HAMP: variants seen among roughly 807,000 people sequenced by gnomAD.
HAMP encodes the protein hepcidin.
HAMP carries 5 observed loss-of-function variants against 7.8 expected under a neutral mutation model. The ratio of observed to expected loss-of-function variants is 0.64; its 90% CI spans 0.33 to 1.34. HAMP has a LOEUF of 1.34. Among genes scored for constraint, HAMP ranks in the 40% most tolerant of loss-of-function variants. The probability of loss-of-function intolerance (pLI) is 0.05; values close to 1 mark genes in which losing one functional copy is unlikely to be tolerated. For missense variants in HAMP, 105 were observed against 104.1 expected (o/e 1.01, Z -0.04); for synonymous variants, 52 against 38.6 (o/e 1.35, Z -1.28).
chr19:35,283,819 G>A (rs1023765487), intron 1 of HAMP: 1 of 150,072 alleles, frequency 6.7e-6, no homozygotes, highest in Non-Finnish European at 1.5e-5. Flanking sequence ...TTCTGAGATA[G>A]GGTCTCGCTC....
chr19:35,284,949 G>A lies in HAMP; in HGVS notation c.162G>A (p.Gln54=). 1 of 1,613,332 alleles carries A rather than the reference G, an allele frequency of 6.2e-7. No homozygotes were observed. Among genetic ancestry groups the A allele is most frequent in the Non-Finnish European group, 8.5e-7 (1 of 1,179,400 alleles). ...GARASWMPMF[Q]RRRRRDTHFP... is the part of the protein sequence containing the mutation. ...CTTCCTTCCCACAGCCCATGTTCCA[G>A]AGGCGAAGGAGGCGAGACACCCACT... The change falls in exon 3 of 3, where the codon CAG becomes CAA. Residue 54 remains glutamine, a synonymous_variant. Coordinates refer to ENST00000222304, the MANE Select transcript of HAMP (RefSeq NM_021175.4).
rs55863037 is a variant in HAMP, at chr19:35,284,492, G to A, written c.91-297G>A. 80,174 of 536,028 alleles carry A rather than the reference G, an allele frequency of 0.15. 6,944 individuals carry two copies. Among genetic ancestry groups the A allele is most frequent in the East Asian group, 0.26 (8,164 of 30,958 alleles). The allele number at this position is 536,028 out of a possible 1,614,324, so 33.2% of individuals were successfully genotyped here. On this transcript the variant is annotated intron_variant, in intron 1 of 2. Coordinates refer to ENST00000222304, the MANE Select transcript of HAMP (RefSeq NM_021175.4). The stretch of plus-strand genomic sequence containing the variant: ...TCTGCTGTGTGGCAAATGGATTGAG[G>A]GGCAAGAATGCAGGGAGGTGTGTTA...
At chr19:35,284,645 C>A in intron 1 of HAMP, 144 bp from the exon 2 acceptor site, 2 of 662,488 alleles carry the variant, frequency 3.0e-6, no homozygotes, top group South Asian at 1.7e-5. Flanking sequence ...GGAAGGTGAG[C>A]AGAAGCAAGA....
chr19:35,282,568 A>C lies in HAMP; in HGVS notation c.-10A>C. 6.2e-7 allele frequency: 1 copy of C among 1,612,032 alleles called. No individual in the cohort carries two copies. The highest frequency in any genetic ancestry group is 8.5e-7 in the Non-Finnish European group (1 of 1,178,060). On this transcript the variant is annotated 5_prime_UTR_variant, in exon 1 of 3. Coordinates refer to ENST00000222304, the MANE Select transcript of HAMP (RefSeq NM_021175.4). ...AGACCCAGCAGTGGGACAGCCAGAC[A>C]GACGGCACGATGGCACTGAGCTCCC...
In HAMP at chr19:35,284,770, C is replaced by T. The variant is rs2066318468; in HGVS notation, c.91-19C>T. 2 of 1,607,370 alleles carry T rather than the reference C, an allele frequency of 1.2e-6. No homozygotes were observed. Among genetic ancestry groups the T allele is most frequent in the Non-Finnish European group, 1.7e-6 (2 of 1,174,050 alleles). ...ACTGGGCCCCCTGCCATCCTCTGCA[C>T]CCCCTTCTGCTTTCACAGACGGGAC... On this transcript the variant is annotated intron_variant, in intron 1 of 2. Transcript: ENST00000222304.
rs1362280095 is a variant in HAMP at position 35,284,928 on chromosome 19, C to T, written c.151-10C>T. 9.3e-6 allele frequency: 15 copies of T among 1,611,564 alleles called. No individual in the cohort carries two copies. Among genetic ancestry groups the T allele is most frequent in the African/African-American group, 1.3e-5 (1 of 74,832 alleles). On this transcript the variant is annotated splice_polypyrimidine_tract_variant and intron_variant, in intron 2 of 2. Coordinates refer to ENST00000222304, the MANE Select transcript of HAMP (RefSeq NM_021175.4). ...CCGGTTCCCTGCTCACATTCCCTTC[C>T]TTCCCACAGCCCATGTTCCAGAGGC...
intron 1 of HAMP, chr19:35,283,975 A>G (rs940999893): frequency 6.6e-6 from 1 of 151,846 alleles, no homozygotes; most frequent in Non-Finnish European, 1.5e-5. Context: ...TTGTTTTTTT[A>G]GTAGAGACAG....
intron 2 of HAMP, 24 bp downstream of exon 2, chr19:35,284,872 C>G (rs370717576): frequency 9.9e-6 from 16 of 1,609,772 alleles, no homozygotes; most frequent in Non-Finnish European, 1.4e-5. Context: ...TGATGCCTTT[C>G]CTAGCCCCCT....
chr19:35,284,386 A>C lies in HAMP; in HGVS notation c.91-403A>C, dbSNP rs565532942. On this transcript the variant is annotated intron_variant, in intron 1 of 2. Transcript: ENST00000222304. ...CTTGAGCACAGGAGGTCAAGGCTGC[A>C]GGGAGCTATGACTGTGCCACTGCAC... 9 of 262,938 alleles carry C rather than the reference A, an allele frequency of 3.4e-5. No individual in the cohort carries two copies. The East Asian group carries it at 8.2e-4, about 24-fold the overall frequency. 16.3% of individuals were successfully genotyped at this position (262,938 alleles called of 1,614,324 possible).
At chr19:35,282,763 AG>A (rs1448186682) in intron 1 of HAMP, 96 bp downstream of exon 1, 162 of 958,880 alleles carry the variant, frequency 1.7e-4, no homozygotes, top group African/African-American at 1.5e-3. Context: ...CACTGAGCAG[AG>A]CTCAGGACGT....
At position 35,282,773 on chromosome 19, in the gene HAMP, G is replaced by A. The variant is rs74887182; in HGVS notation, c.90+106G>A. The A allele has an allele frequency of 3.4e-3, 2,979 of 881,930 alleles. 17 individuals are homozygous for A. Among genetic ancestry groups the A allele is most frequent in the South Asian group, 7.0e-3 (533 of 75,956 alleles). 54.6% of individuals were successfully genotyped at this position (881,930 alleles called of 1,614,324 possible). A position where few individuals can be genotyped will look rare whatever the true frequency, so the allele number is the denominator to read the frequency against. On this transcript the variant is annotated intron_variant, in intron 1 of 2. Transcript: ENST00000222304. Reference sequence around the variant, plus strand: ...CCGAGCACTGAGCAGAGCTCAGGACGTCTCAGGAGTACTGGCAGCTGAACA... The same window carrying A: ...CCGAGCACTGAGCAGAGCTCAGGACATCTCAGGAGTACTGGCAGCTGAACA...
rs542554786 is a variant in HAMP, at chr19:35,282,750, G to A, written c.90+83G>A. 3.5e-5 allele frequency: 37 copies of A among 1,060,356 alleles called. No homozygotes were observed. In the East Asian group the frequency reaches 6.4e-4, roughly 18 times the overall value. 65.7% of individuals were successfully genotyped at this position (1,060,356 alleles called of 1,614,324 possible). ...TCAGCCTAGGGCACTGGAGACACCC[G>A]AGCACTGAGCAGAGCTCAGGACGTC... On this transcript the variant is annotated intron_variant, in intron 1 of 2. Coordinates refer to ENST00000222304, the MANE Select transcript of HAMP (RefSeq NM_021175.4).
rs767431880 is a variant in HAMP, at chr19:35,282,557, G to T, written c.-21G>T. ...GAGCAAGCTCAAGACCCAGCAGTGG[G>T]ACAGCCAGACAGACGGCACGATGGC... On this transcript the variant is annotated 5_prime_UTR_variant, in exon 1 of 3. Coordinates refer to ENST00000222304, the MANE Select transcript of HAMP (RefSeq NM_021175.4). The T allele has an allele frequency of 1.2e-6, 2 of 1,604,242 alleles. No homozygotes were observed. Among genetic ancestry groups the T allele is most frequent in the Non-Finnish European group, 8.5e-7 (1 of 1,170,972 alleles).
intron 1 of HAMP, chr19:35,284,031 G>T (rs2066315206): frequency 6.6e-6 from 1 of 152,278 alleles, no homozygotes; most frequent in Admixed American, 6.5e-5. Flanking sequence ...CTGACCTCAG[G>T]TGATTCTCCC....
rs758054130 is a variant in HAMP at position 35,284,909 on chromosome 19, C to T, written c.151-29C>T. 1.1e-5 allele frequency: 18 copies of T among 1,606,422 alleles called. No homozygotes were observed. The East Asian group carries it at 1.8e-4, about 16-fold the overall frequency. On this transcript the variant is annotated intron_variant, in intron 2 of 2. Transcript: ENST00000222304. ...CTCCCTCCCCATGCTAAGGCCGGTT[C>T]CCTGCTCACATTCCCTTCCTTCCCA...
Position 35,284,970 on chromosome 19 carries a change from C to T in HAMP, c.183C>T (p.Thr61=), listed in dbSNP as rs1377876780. The T allele has an allele frequency of 1.2e-6, 2 of 1,613,996 alleles. No homozygotes were observed. Among genetic ancestry groups the T allele is most frequent in the East Asian group, 4.5e-5 (2 of 44,888 alleles). Residue 61 remains threonine, a synonymous_variant, in exon 3 of 3, where the codon ACC becomes ACT. Coordinates refer to ENST00000222304, the MANE Select transcript of HAMP (RefSeq NM_021175.4). ...TCCAGAGGCGAAGGAGGCGAGACACCCACTTCCCCATCTGCATTTTCTGCT... is the reference window on the plus strand; with the variant it reads ...TCCAGAGGCGAAGGAGGCGAGACACTCACTTCCCCATCTGCATTTTCTGCT... The part of the protein sequence containing the change: ...PMFQRRRRRD[T]HFPICIFCCG...
rs1431699783 is a variant in HAMP at position 35,282,588 on chromosome 19, G to C, written c.11G>C (p.Ser4Thr). Residue 4 changes from serine (S) to threonine (T), a missense_variant, in exon 1 of 3, where the codon AGC becomes ACC. Ser to Thr is a moderately conservative substitution (Grantham distance 58, BLOSUM62 1). Coordinates refer to ENST00000222304, the MANE Select transcript of HAMP (RefSeq NM_021175.4). MALSSQIWAACLLL... is the reference protein window; with the variant it reads MALTSQIWAACLLL... ...CAGACAGACGGCACGATGGCACTGA[G>C]CTCCCAGATCTGGGCCGCTTGCCTC... 6.2e-7 allele frequency: 1 copy of C among 1,613,922 alleles called. No individual in the cohort carries two copies. The highest frequency in any genetic ancestry group is 1.3e-5 in the African/African-American group (1 of 75,064).
chr19:35,284,420 G>C, intron 1 of HAMP: 1 of 359,556 alleles, frequency 2.8e-6, no homozygotes, highest in South Asian at 2.6e-5. Context: ...ACTCTGGCCT[G>C]GGCAACAGAG....
At chr19:35,282,995 G>T in intron 1 of HAMP, 1 of 351,174 alleles carries the variant, frequency 2.8e-6, no homozygotes, top group Non-Finnish European at 5.6e-6. Flanking sequence ...TGAGGCAGGA[G>T]AATTGCTTGA....
Sources: gnomAD v4.1 joint callset for allele counts on GRCh38, gnomAD v4.1.1 for gene constraint, MANE v1.5 for transcripts, NCBI Gene and HGNC (gene_info 2026-07-23, HGNC 2026-07-21) for gene names.